Variants in FNDC3B observed in about 807,000 individuals in gnomAD.
The protein encoded by FNDC3B is fibronectin type III domain-containing protein 3B.
Under a neutral mutation model 151.5 loss-of-function variants are expected in FNDC3B, and 12 were observed. The ratio of observed to expected loss-of-function variants is 0.08; its 90% CI spans 0.05 to 0.13. The LOEUF is 0.13. Ranked by LOEUF, FNDC3B falls within the 10% of genes least tolerant of loss-of-function variation. FNDC3B has a pLI of 1.00. For synonymous variants in FNDC3B, 528 were observed against 549.0 expected (o/e 0.96, Z 0.54); for missense variants, 1,214 against 1,505.3 (o/e 0.81, Z 3.20).
At chr3:172,167,949 T>C (rs1452645551) in intron 3 of FNDC3B, among the ~76,000 whole-genome samples, 3 of 152,180 alleles carry the variant, frequency 2.0e-5, no homozygotes, top group Non-Finnish European at 4.4e-5. Context: ...GCCAAAAAGG[T>C]TGGGGACCAC....
chr3:172,147,199 G>C lies in FNDC3B; in HGVS notation c.187+13653G>C, dbSNP rs565466422. ...TGCATGCCTGTAATCCCAGCTACTC[G>C]GGAGGCTTGTGGCAGGAGAATTGCC... is the stretch of plus-strand genomic sequence containing the variant. On this transcript the variant is annotated intron_variant, in intron 3 of 25. Transcript: ENST00000415807. Among the ~76,000 whole-genome samples the C allele has an allele frequency of 1.1e-4, 16 of 152,004 alleles. No homozygotes were observed. The South Asian group carries it at 3.1e-3, about 30-fold the overall frequency.
At chr3:172,237,975 G>A (rs570360102) in intron 4 of FNDC3B, among the ~76,000 whole-genome samples, 1 of 152,158 alleles carries the variant, frequency 6.6e-6, no homozygotes, top group South Asian at 2.1e-4. Context: ...GGCAAAAGGA[G>A]CTGGTCCGAA....
chr3:172,260,215 G>T (rs1728575682), intron 6 of FNDC3B, among the ~76,000 whole-genome samples: 1 of 152,214 alleles, frequency 6.6e-6, no homozygotes, highest in African/African-American at 2.4e-5. Context: ...TTATTGATTT[G>T]AAACTTCTAT....
chr3:172,238,847 A>T (rs181649665), intron 4 of FNDC3B, among the ~76,000 whole-genome samples: 2 of 152,294 alleles, frequency 1.3e-5, no homozygotes, highest in African/African-American at 4.8e-5. Flanking sequence ...GAGATGTTTG[A>T]TCTTTCTGTA....
chr3:172,357,548 A>C (rs1177067855), intron 22 of FNDC3B, among the ~76,000 whole-genome samples: 2 of 152,198 alleles, frequency 1.3e-5, no homozygotes, highest in Non-Finnish European at 2.9e-5. Flanking sequence ...TTTGCCCATT[A>C]GTCCAATGTC....
At chr3:172,170,060 T>C (rs544178943) in intron 3 of FNDC3B, among the ~76,000 whole-genome samples, 1 of 152,220 alleles carries the variant, frequency 6.6e-6, no homozygotes, top group South Asian at 2.1e-4. Context: ...TTTTTTTGTT[T>C]GTTTAAATTT....
chr3:172,248,081 C>T (rs565684027), intron 5 of FNDC3B, among the ~76,000 whole-genome samples: 22 of 152,254 alleles, frequency 1.4e-4, no homozygotes, highest in Non-Finnish European at 1.3e-4. Context: ...ACATCGTTCC[C>T]ATGTCCTGAA....
rs766564226 is a variant in FNDC3B at position 172,328,977 on chromosome 3, A to G, written c.1280A>G (p.Gln427Arg). 6.2e-7 allele frequency: 1 copy of G among 1,613,144 alleles called. No homozygotes were observed. Among genetic ancestry groups the G allele is most frequent in the Non-Finnish European group, 8.5e-7 (1 of 1,179,390 alleles). Residue 427 changes from glutamine to arginine, a missense_variant, in exon 12 of 26, where the codon CAG (glutamine) becomes CGG (arginine). By Grantham distance (43) the Gln-to-Arg change is conservative. Coordinates refer to ENST00000415807, the MANE Select transcript of FNDC3B (RefSeq NM_022763.4). ...DEGKRNSGFR[Q>R]CFFGSQKHCK... ...GGAAAAAGAAATAGTGGTTTCAGACAGTGCTTCTTCGGGAGCCAGAAGCAC... is the reference window on the plus strand; with the variant it reads ...GGAAAAAGAAATAGTGGTTTCAGACGGTGCTTCTTCGGGAGCCAGAAGCAC...
intron 3 of FNDC3B, among the ~76,000 whole-genome samples, chr3:172,144,465 TGAA>T (rs1377832132): frequency 6.6e-6 from 1 of 152,242 alleles, no homozygotes; most frequent in Non-Finnish European, 1.5e-5. Flanking sequence ...GCGTCGAGCC[TGAA>T]GGAGTGCATT....
intron 3 of FNDC3B, among the ~76,000 whole-genome samples, chr3:172,165,417 G>C (rs1294168842): frequency 6.6e-6 from 1 of 152,192 alleles, no homozygotes; most frequent in African/African-American, 2.4e-5. Context: ...AAGGAAAAGT[G>C]AATTCAGCAG....
intron 3 of FNDC3B, among the ~76,000 whole-genome samples, chr3:172,223,422 A>G (rs1182251156): frequency 6.6e-6 from 1 of 152,238 alleles, no homozygotes; most frequent in African/African-American, 2.4e-5. Context: ...AAAAGGGGGA[A>G]CAAGCATGTT....
chr3:172,174,974 A>T (rs950664881), intron 3 of FNDC3B, among the ~76,000 whole-genome samples: 1 of 99,342 alleles, frequency 1.0e-5, no homozygotes, highest in Admixed American at 1.6e-4. Context: ...ATCCGGTCCC[A>T]TGTCCTAGTT....
intron 10 of FNDC3B, 70 bp downstream of exon 10, chr3:172,307,571 T>C: frequency 2.7e-6 from 4 of 1,501,938 alleles, no homozygotes; most frequent in Non-Finnish European, 3.7e-6. Context: ...AACGTGTTCC[T>C]AGTCCCAGCT....
intron 8 of FNDC3B, among the ~76,000 whole-genome samples, chr3:172,296,830 G>C (rs2108842945): frequency 6.6e-6 from 1 of 152,244 alleles, no homozygotes; most frequent in Non-Finnish European, 1.5e-5. Flanking sequence ...AATATTCACG[G>C]GATATGAGAC....
intron 23 of FNDC3B, among the ~76,000 whole-genome samples, chr3:172,365,574 A>G (rs926595709): frequency 6.6e-6 from 1 of 152,208 alleles, no homozygotes; most frequent in African/African-American, 2.4e-5. Context: ...CATCTAGATC[A>G]CCTGGACTTT....
At chr3:172,225,460 G>A in intron 3 of FNDC3B, 1 of 238,022 alleles carries the variant, frequency 4.2e-6, no homozygotes, top group South Asian at 6.4e-5. Flanking sequence ...CAGTAAGTCA[G>A]ACAATATTTG....
intron 3 of FNDC3B, among the ~76,000 whole-genome samples, chr3:172,209,468 G>T (rs944647140): frequency 6.6e-6 from 1 of 152,218 alleles, no homozygotes; most frequent in Admixed American, 6.5e-5. Flanking sequence ...GCTCTCAGTG[G>T]AGAGGAGACC....
chr3:172,118,263 TCTGGTTGATATC>T (rs1302611049), intron 2 of FNDC3B, among the ~76,000 whole-genome samples: 4 of 152,198 alleles, frequency 2.6e-5, no homozygotes, highest in Admixed American at 2.6e-4. Context: ...CCTTTTCTGT[TCTGGTTGATATC>T]TTCTTAATAA....
intron 1 of FNDC3B, among the ~76,000 whole-genome samples, chr3:172,074,955 G>T (rs1717940059): frequency 6.6e-6 from 1 of 152,172 alleles, no homozygotes; most frequent in African/African-American, 2.4e-5. Flanking sequence ...GAATTACAGA[G>T]TTTTAAACAT....
Sources: allele counts gnomAD v4.1 joint callset (sites outside exome capture counted in the v4.1 genomes callset), GRCh38; gene constraint gnomAD v4.1.1; transcripts MANE v1.5; gene names NCBI Gene and HGNC (gene_info 2026-07-23, HGNC 2026-07-21).